Variants in ALOX5AP observed in about 807,000 individuals in gnomAD.
ALOX5AP encodes the protein arachidonate 5-lipoxygenase-activating protein.
A neutral mutation model predicts 18.5 loss-of-function variants in ALOX5AP; 9 were observed. The observed-to-expected ratio is 0.49, with a 90% CI of 0.29 to 0.85. The LOEUF (loss-of-function observed/expected upper bound fraction) is 0.85, where lower values mean the gene tolerates loss of function less well. Among genes scored for constraint, ALOX5AP ranks in the 40% least tolerant of loss-of-function variants. The probability of loss-of-function intolerance (pLI) is 0.08; values close to 1 mark genes in which losing one functional copy is unlikely to be tolerated. For synonymous variants in ALOX5AP, 81 were observed against 78.6 expected (o/e 1.03, Z -0.16); for missense variants, 172 against 202.5 (o/e 0.85, Z 0.91).
intron 4 of ALOX5AP, among the ~76,000 whole-genome samples, chr13:30,762,476 C>T (rs1022773913): frequency 2.0e-5 from 3 of 151,846 alleles, no homozygotes; most frequent in Non-Finnish European, 4.4e-5. Context: ...GTAATCCCAG[C>T]TACTCAGGAG....
At chr13:30,731,184 G>T (rs570414581), upstream of ALOX5AP, among the ~76,000 whole-genome samples, 1 of 152,264 alleles carries the variant, frequency 6.6e-6, no homozygotes, top group South Asian at 2.1e-4. Context: ...GGGCTGAGGG[G>T]CCATTGCTCA....
chr13:30,737,156 C>T (rs1302257807), intron 1 of ALOX5AP, among the ~76,000 whole-genome samples: 1 of 152,246 alleles, frequency 6.6e-6, no homozygotes, highest in Non-Finnish European at 1.5e-5. Flanking sequence ...CATCGGTGGA[C>T]AGGGGACCTT....
chr13:30,732,333 C>T (rs1310535748), upstream of ALOX5AP, among the ~76,000 whole-genome samples: 4 of 152,328 alleles, frequency 2.6e-5, no homozygotes, highest in East Asian at 1.9e-4. Context: ...GGGCTGACCA[C>T]GTTGGTCCCC....
intron 1 of ALOX5AP, among the ~76,000 whole-genome samples, chr13:30,736,502 T>C (rs758200835): frequency 1.1e-4 from 16 of 152,188 alleles, no homozygotes; most frequent in Non-Finnish European, 2.4e-4. Flanking sequence ...TTTATTAAGA[T>C]AGAGAAAAAA....
chr13:30,716,910 C>T (rs370151735), intron 1 of ALOX5AP, among the ~76,000 whole-genome samples: 82 of 152,364 alleles, frequency 5.4e-4, no homozygotes, highest in African/African-American at 1.9e-3. Flanking sequence ...GGAGCCCCTA[C>T]GGTCCTCTCC....
intron 2 of ALOX5AP, among the ~76,000 whole-genome samples, chr13:30,751,552 C>A (rs951737268): frequency 6.6e-6 from 1 of 152,196 alleles, no homozygotes; most frequent in African/African-American, 2.4e-5. Flanking sequence ...TTCTGAGCAC[C>A]AGCTTTTTTG....
At chr13:30,719,783 G>T (rs760571784) in intron 1 of ALOX5AP, among the ~76,000 whole-genome samples, 1 of 152,086 alleles carries the variant, frequency 6.6e-6, no homozygotes, top group Non-Finnish European at 1.5e-5. Flanking sequence ...GTTCTAATTC[G>T]TGATTGTAAT....
chr13:30,728,356 G>T (rs1431962650), intron 1 of ALOX5AP, among the ~76,000 whole-genome samples: 1 of 152,150 alleles, frequency 6.6e-6, no homozygotes, highest in Non-Finnish European at 1.5e-5. Flanking sequence ...GTGCTACTTT[G>T]TTATGGCAAC....
intron 1 of ALOX5AP, among the ~76,000 whole-genome samples, chr13:30,721,792 T>C (rs1385796683): frequency 6.6e-6 from 1 of 152,174 alleles, no homozygotes; most frequent in African/African-American, 2.4e-5. Flanking sequence ...CCCCAACCCC[T>C]CCCACATCAT....
intron 2 of ALOX5AP, among the ~76,000 whole-genome samples, chr13:30,746,044 T>C (rs1352321613): frequency 2.0e-5 from 3 of 152,214 alleles, no homozygotes; most frequent in Non-Finnish European, 4.4e-5. Flanking sequence ...GGCTGTGTAG[T>C]TTCTGCCACG....
chr13:30,752,304 G>A lies in ALOX5AP; in HGVS notation c.241+182G>A, dbSNP rs4769874. On this transcript the variant is annotated intron_variant, in intron 3 of 4. Transcript: ENST00000380490. Reference sequence around the variant, plus strand: ...CATGCTCTGCACCCGTGCAGAGCGCGTGTGATAATGCATTGCTAATGCTTG... The same window carrying A: ...CATGCTCTGCACCCGTGCAGAGCGCATGTGATAATGCATTGCTAATGCTTG... Among the ~76,000 whole-genome samples the A allele has an allele frequency of 0.058, 8,771 of 152,276 alleles. 307 individuals are homozygous for A. Among genetic ancestry groups the A allele is most frequent in the South Asian group, 0.11 (524 of 4,826 alleles).
At chr13:30,761,453 A>G (rs1951940496) in intron 4 of ALOX5AP, among the ~76,000 whole-genome samples, 1 of 152,174 alleles carries the variant, frequency 6.6e-6, no homozygotes, top group Admixed American at 6.5e-5. Flanking sequence ...AGCCACCACG[A>G]TATTTGACTT....
At chr13:30,761,461 C>G (rs912232521) in intron 4 of ALOX5AP, among the ~76,000 whole-genome samples, 2 of 152,198 alleles carry the variant, frequency 1.3e-5, no homozygotes, top group Non-Finnish European at 2.9e-5. Flanking sequence ...CGATATTTGA[C>G]TTTTCACAAT....
intron 4 of ALOX5AP, among the ~76,000 whole-genome samples, chr13:30,757,615 C>T (rs1951907239): frequency 6.6e-6 from 1 of 152,054 alleles, no homozygotes; most frequent in Non-Finnish European, 1.5e-5. Context: ...CCTATGCAGC[C>T]CTATCTTACC....
chr13:30,735,569 A>G lies in ALOX5AP; in HGVS notation c.-37A>G. ...TGTACAGGGCAGGTTGTGCAGCTGGAGGCAGAGCAGTCCTCTCTGGGGAGC... is the reference window on the plus strand; with the variant it reads ...TGTACAGGGCAGGTTGTGCAGCTGGGGGCAGAGCAGTCCTCTCTGGGGAGC... On this transcript the variant is annotated 5_prime_UTR_variant, in exon 1 of 5. Coordinates refer to ENST00000380490, the MANE Select transcript of ALOX5AP (RefSeq NM_001629.4). The G allele has an allele frequency of 6.2e-7, 1 of 1,612,956 alleles. No individual in the cohort carries two copies. Among genetic ancestry groups the G allele is most frequent in the Non-Finnish European group, 8.5e-7 (1 of 1,179,628 alleles).
intron 4 of ALOX5AP, among the ~76,000 whole-genome samples, chr13:30,763,247 G>T (rs1404996443): frequency 6.6e-6 from 1 of 152,216 alleles, no homozygotes; most frequent in Non-Finnish European, 1.5e-5. Context: ...GACTGAGGTT[G>T]CAGTGAGCCG....
At chr13:30,723,541 G>A (rs4477539) in intron 1 of ALOX5AP, among the ~76,000 whole-genome samples, 20,260 of 152,170 alleles carry the variant, frequency 0.13, 1,376 homozygotes, top group South Asian at 0.21. Flanking sequence ...GAAGCATTGC[G>A]TGTCTGTGTA....
intron 1 of ALOX5AP, among the ~76,000 whole-genome samples, chr13:30,722,380 G>A (rs955455074): frequency 6.6e-6 from 1 of 152,162 alleles, no homozygotes; most frequent in African/African-American, 2.4e-5. Flanking sequence ...TTAATGAGAG[G>A]CAAATGAGAG....
intron 1 of ALOX5AP, 101 bp downstream of exon 1, chr13:30,735,776 C>A: frequency 7.7e-7 from 1 of 1,295,184 alleles, no homozygotes; most frequent in Non-Finnish European, 1.1e-6. Context: ...TGTGCGCATG[C>A]ACAAACACTT....
Sources: allele counts gnomAD v4.1 joint callset (sites outside exome capture counted in the v4.1 genomes callset), GRCh38; gene constraint gnomAD v4.1.1; transcripts MANE v1.5; gene names NCBI Gene and HGNC (gene_info 2026-07-23, HGNC 2026-07-21).